Variants in GRM8 observed in about 807,000 individuals in gnomAD.
The protein encoded by GRM8 is glutamate metabotropic receptor 8, also known as metabotropic glutamate receptor 8.
In GRM8, 47 loss-of-function variants were observed where a neutral mutation model predicts 87.2. The observed-to-expected ratio is 0.54, with a 90% CI of 0.43 to 0.69. The LOEUF (loss-of-function observed/expected upper bound fraction) is 0.69, where lower values mean the gene tolerates loss of function less well. Among genes scored for constraint, GRM8 ranks in the 30% least tolerant of loss-of-function variants. The pLI, the probability that GRM8 is intolerant of heterozygous loss-of-function variation, is 0.00. For synonymous variants in GRM8, 396 were observed against 404.5 expected (o/e 0.98, Z 0.25); for missense variants, 1,019 against 1,139.2 (o/e 0.89, Z 1.52).
At chr7:126,931,880 T>C (rs1020599033) in intron 3 of GRM8, among the ~76,000 whole-genome samples, 1 of 152,226 alleles carries the variant, frequency 6.6e-6, no homozygotes, top group Non-Finnish European at 1.5e-5. Flanking sequence ...TAATTTATCA[T>C]GGTTGCTTTG....
At chr7:126,584,227 C>CA (rs1554407420) in intron 8 of GRM8, among the ~76,000 whole-genome samples, 2 of 151,304 alleles carry the variant, frequency 1.3e-5, no homozygotes, top group Non-Finnish European at 2.9e-5. Flanking sequence ...GTAAAGATAA[C>CA]TTTTTTTTTA....
chr7:126,606,650 G>A (rs1265011576), intron 8 of GRM8, among the ~76,000 whole-genome samples: 2 of 152,026 alleles, frequency 1.3e-5, no homozygotes, highest in African/African-American at 4.8e-5. Context: ...TCTCTCCACA[G>A]TGCAATTTAT....
chr7:126,472,850 G>A (rs1805452108), intron 9 of GRM8, among the ~76,000 whole-genome samples: 1 of 152,164 alleles, frequency 6.6e-6, no homozygotes. Context: ...TGGCTAATAG[G>A]GTCCAATGTA....
At chr7:126,567,414 AGGGGGAG>A (rs1223129006) in intron 8 of GRM8, among the ~76,000 whole-genome samples, 1 of 82,802 alleles carries the variant, frequency 1.2e-5, no homozygotes, top group Non-Finnish European at 2.2e-5. Flanking sequence ...GTTGTGGGGT[AGGGGGAG>A]GGGGGAGGGA....
intron 9 of GRM8, among the ~76,000 whole-genome samples, chr7:126,530,230 G>A (rs1329265020): frequency 1.3e-5 from 2 of 152,196 alleles, no homozygotes; most frequent in Non-Finnish European, 2.9e-5. Flanking sequence ...GACCTGTGTG[G>A]TTCGATGCAT....
intron 7 of GRM8, among the ~76,000 whole-genome samples, chr7:126,754,193 G>T (rs545614640): frequency 3.3e-5 from 5 of 151,886 alleles, no homozygotes; most frequent in South Asian, 2.1e-4. Context: ...TTATCAAATA[G>T]AATACCTAAA....
chr7:126,850,630 G>A (rs1797125573), intron 6 of GRM8, among the ~76,000 whole-genome samples: 1 of 152,194 alleles, frequency 6.6e-6, no homozygotes, highest in Non-Finnish European at 1.5e-5. Flanking sequence ...AAACTTCTAT[G>A]ATTATCTCAA....
rs796606822 is a variant in GRM8, at chr7:126,600,582, A to T, written c.1494+8780T>A. On this transcript the variant is annotated intron_variant, in intron 8 of 10. Coordinates refer to ENST00000339582, the MANE Select transcript of GRM8 (RefSeq NM_000845.3). ...ACTTCCTAATAGATAATCTTGGATCATCCATCTATGTTCAGTCAATATGTA... is the reference window on the plus strand; with the variant it reads ...ACTTCCTAATAGATAATCTTGGATCTTCCATCTATGTTCAGTCAATATGTA... Among the ~76,000 whole-genome samples the T allele has an allele frequency of 2.9e-4, 44 of 152,298 alleles. 1 individual carries two copies. The highest frequency in any genetic ancestry group is 1.0e-3 in the African/African-American group (43 of 41,588).
chr7:126,881,559 A>T (rs2130994533), intron 6 of GRM8, among the ~76,000 whole-genome samples: 1 of 152,314 alleles, frequency 6.6e-6, no homozygotes, highest in Non-Finnish European at 1.5e-5. Context: ...CACAGGGAAG[A>T]CATGGAATAG....
chr7:127,034,973 G>C lies in GRM8; in HGVS notation c.727+71523C>G, dbSNP rs17867737. On this transcript the variant is annotated intron_variant, in intron 3 of 10. Coordinates refer to ENST00000339582, the MANE Select transcript of GRM8 (RefSeq NM_000845.3). ...TAAAAGCAAATATTTTTAAAAGCTA[G>C]GAAAGTGAGCATGGTCATAAACGAA... is the stretch of plus-strand genomic sequence containing the variant. Among the ~76,000 whole-genome samples, 1,212 of 152,232 alleles carry C rather than the reference G, an allele frequency of 8.0e-3. 10 individuals are homozygous for C. Among genetic ancestry groups the C allele is most frequent in the Non-Finnish European group, 0.013 (865 of 68,006 alleles).
At chr7:127,134,062 T>C (rs1827832654) in intron 2 of GRM8, among the ~76,000 whole-genome samples, 1 of 152,192 alleles carries the variant, frequency 6.6e-6, no homozygotes, top group African/African-American at 2.4e-5. Flanking sequence ...TAGCTTCCTC[T>C]TTCCAAAAAG....
chr7:127,212,071 A>G (rs1796240740), intron 2 of GRM8, among the ~76,000 whole-genome samples: 3 of 152,194 alleles, frequency 2.0e-5, no homozygotes, highest in Admixed American at 2.0e-4. Flanking sequence ...TCCCTTACAT[A>G]ATAGTCACAC....
intron 3 of GRM8, among the ~76,000 whole-genome samples, chr7:126,962,381 A>C (rs1347430531): frequency 3.3e-5 from 5 of 152,276 alleles, no homozygotes; most frequent in Non-Finnish European, 7.3e-5. Context: ...AGATGTGAAA[A>C]GCAAAGCAAA....
At chr7:127,044,506 A>C (rs777467864) in intron 3 of GRM8, among the ~76,000 whole-genome samples, 1 of 152,138 alleles carries the variant, frequency 6.6e-6, no homozygotes, top group Non-Finnish European at 1.5e-5. Flanking sequence ...CTAGCAATCT[A>C]CCTAAATTAT....
At chr7:126,914,359 G>T (rs1803638138) in intron 3 of GRM8, among the ~76,000 whole-genome samples, 1 of 152,206 alleles carries the variant, frequency 6.6e-6, no homozygotes, top group African/African-American at 2.4e-5. Context: ...AAAGCAGTAT[G>T]AAGATTTCTC....
intron 2 of GRM8, among the ~76,000 whole-genome samples, chr7:127,202,746 C>T (rs576048542): frequency 3.9e-5 from 6 of 152,044 alleles, no homozygotes; most frequent in Non-Finnish European, 7.4e-5. Flanking sequence ...CCTGCCACCA[C>T]ACAAGGAAAA....
At chr7:126,896,816 G>A (rs1319754983) in intron 6 of GRM8, among the ~76,000 whole-genome samples, 2 of 152,244 alleles carry the variant, frequency 1.3e-5, no homozygotes, top group East Asian at 3.9e-4. Flanking sequence ...GTATCTGAGT[G>A]TCAGCTGTAT....
At chr7:126,517,631 T>C (rs918639800) in intron 9 of GRM8, among the ~76,000 whole-genome samples, 6 of 151,940 alleles carry the variant, frequency 3.9e-5, no homozygotes, top group East Asian at 1.9e-4. Context: ...TCAGTTAAAA[T>C]TGATTATATA....
intron 7 of GRM8, among the ~76,000 whole-genome samples, chr7:126,675,659 G>T (rs577952988): frequency 6.6e-6 from 1 of 152,278 alleles, no homozygotes; most frequent in African/African-American, 2.4e-5. Context: ...CATCTCAATA[G>T]ATGCAGAAAA....
Sources: allele counts gnomAD v4.1 joint callset (sites outside exome capture counted in the v4.1 genomes callset), GRCh38; gene constraint gnomAD v4.1.1; transcripts MANE v1.5; gene names NCBI Gene and HGNC (gene_info 2026-07-23, HGNC 2026-07-21).